The following CFAP221 variants were observed in gnomAD, a reference collection of about 807,000 sequenced individuals.
CFAP221 encodes cilia and flagella associated protein 221, also known as cilia- and flagella-associated protein 221.
A neutral mutation model predicts 113.1 loss-of-function variants in CFAP221; 97 were observed. That is an observed-to-expected ratio of 0.86 (90% CI 0.73 to 1.02). CFAP221 has a LOEUF of 1.02. Among genes scored for constraint, CFAP221 ranks in the 50% least tolerant of loss-of-function variants. The pLI, the probability that CFAP221 is intolerant of heterozygous loss-of-function variation, is 0.00. For synonymous variants in CFAP221, 331 were observed against 354.4 expected (o/e 0.93, Z 0.74); for missense variants, 1,025 against 1,013.4 (o/e 1.01, Z -0.16).
intron 12 of CFAP221, among the ~76,000 whole-genome samples, chr2:119,609,021 C>T (rs187306379): frequency 6.6e-6 from 1 of 152,062 alleles, no homozygotes. Context: ...AATGATAGTC[C>T]CAAGTCAGAG....
At chr2:119,655,130 T>C (rs761948677) in intron 23 of CFAP221, among the ~76,000 whole-genome samples, 9 of 152,154 alleles carry the variant, frequency 5.9e-5, no homozygotes, top group African/African-American at 2.2e-4. Context: ...CTGGCAAACA[T>C]TTATTTTCAT....
Position 119,572,529 on chromosome 2 carries a change from T to C in CFAP221, c.527+10415T>C, listed in dbSNP as rs1183138492. The C allele has an allele frequency of 5.7e-6, 4 of 699,244 alleles. No homozygotes were observed. In the African/African-American group the frequency reaches 7.0e-5, roughly 12 times the overall value. 43.3% of individuals were successfully genotyped at this position (699,244 alleles called of 1,614,324 possible). A position where few individuals can be genotyped will look rare whatever the true frequency, so the allele number is the denominator to read the frequency against. ...TAAAAAGATTCATGTTAATTCATCATGCTCTGTAGTTTACCCAACAGCGTC... is the reference window on the plus strand; with the variant it reads ...TAAAAAGATTCATGTTAATTCATCACGCTCTGTAGTTTACCCAACAGCGTC... On this transcript the variant is annotated intron_variant, in intron 6 of 23. Transcript: ENST00000413369.
chr2:119,630,953 A>G (rs776262259), intron 19 of CFAP221, 52 bp downstream of exon 19: 16 of 1,600,402 alleles, frequency 1.0e-5, no homozygotes, highest in East Asian at 9.0e-5. Context: ...TATTTCAGCA[A>G]TTACTCTATA....
chr2:119,595,767 A>AT (rs1189141968), intron 7 of CFAP221, among the ~76,000 whole-genome samples: 7 of 152,128 alleles, frequency 4.6e-5, no homozygotes, highest in Non-Finnish European at 1.5e-5. Context: ...AAAATAAGAC[A>AT]TGGTGATGTG....
downstream of CFAP221, among the ~76,000 whole-genome samples, chr2:119,659,361 A>G (rs753092140): frequency 2.0e-5 from 3 of 152,272 alleles, no homozygotes; most frequent in Non-Finnish European, 4.4e-5. Flanking sequence ...TTGTGTTTTC[A>G]TATGAGTTAG....
At chr2:119,582,956 A>G (rs1682950653) in intron 6 of CFAP221, among the ~76,000 whole-genome samples, 1 of 152,218 alleles carries the variant, frequency 6.6e-6, no homozygotes, top group Admixed American at 6.5e-5. Context: ...AAATATATCT[A>G]TTATTAATTG....
At chr2:119,585,314 G>A (rs191910149) in intron 6 of CFAP221, among the ~76,000 whole-genome samples, 31 of 152,264 alleles carry the variant, frequency 2.0e-4, no homozygotes, top group Non-Finnish European at 3.8e-4. Context: ...CAGGGTAGGG[G>A]TCACTTATAA....
intron 21 of CFAP221, among the ~76,000 whole-genome samples, chr2:119,646,023 G>A (rs1368734903): frequency 4.6e-5 from 7 of 152,138 alleles, no homozygotes; most frequent in Non-Finnish European, 1.0e-4. Context: ...ACAAAGAGCT[G>A]TTGCCAAGTT....
chr2:119,588,235 A>G (rs748739496), intron 7 of CFAP221, among the ~76,000 whole-genome samples: 2 of 152,200 alleles, frequency 1.3e-5, no homozygotes, highest in Admixed American at 6.5e-5. Context: ...TGAAGGGACC[A>G]CTACAATTTC....
At chr2:119,590,589 C>T (rs1355633701) in intron 7 of CFAP221, among the ~76,000 whole-genome samples, 1 of 152,236 alleles carries the variant, frequency 6.6e-6, no homozygotes, top group African/African-American at 2.4e-5. Flanking sequence ...GCCATACCTG[C>T]CACTGTGCTG....
intron 21 of CFAP221, among the ~76,000 whole-genome samples, chr2:119,643,814 G>A (rs942559031): frequency 2.0e-5 from 3 of 151,894 alleles, no homozygotes; most frequent in Non-Finnish European, 4.4e-5. Context: ...CAAAGTGCTG[G>A]GATTACAGGC....
At position 119,601,281 on chromosome 2, in the gene CFAP221, C is replaced by T; in HGVS notation, c.695C>T (p.Thr232Ile). ...AAGTTTACACCCTTTCAGTATGGGA[C>T]TGCACAAATAAAAATGCAGTTATGG... The part of the protein sequence containing the change: ...TIKFTPFQYG[T>I]AQIKMQLWIS... Residue 232 changes from threonine (T) to isoleucine (I), a missense_variant, in exon 8 of 24, where the codon ACT (threonine) becomes ATT (isoleucine). Coordinates refer to ENST00000413369, the MANE Select transcript of CFAP221 (RefSeq NM_001271049.2). The T allele has an allele frequency of 6.5e-7, 1 of 1,535,752 alleles. No individual in the cohort carries two copies. Among genetic ancestry groups the T allele is most frequent in the Non-Finnish European group, 8.7e-7 (1 of 1,146,652 alleles).
At position 119,562,170 on chromosome 2, in the gene CFAP221, C is replaced by T. The variant is rs1484192844; in HGVS notation, c.527+56C>T. On this transcript the variant is annotated intron_variant, in intron 6 of 23. Coordinates refer to ENST00000413369, the MANE Select transcript of CFAP221 (RefSeq NM_001271049.2). ...AGGATGTGAAAAACTAAGAGATACT[C>T]ATACAAAACCTTAGACTTTTGTTTT... 3.6e-6 allele frequency: 4 copies of T among 1,113,838 alleles called. No homozygotes were observed. In the African/African-American group the frequency reaches 6.7e-5, roughly 19 times the overall value. 69.0% of individuals were successfully genotyped at this position (1,113,838 alleles called of 1,614,324 possible). A position where few individuals can be genotyped will look rare whatever the true frequency, so the allele number is the denominator to read the frequency against.
At chr2:119,619,727 A>G (rs1233676510) in intron 14 of CFAP221, among the ~76,000 whole-genome samples, 1 of 152,182 alleles carries the variant, frequency 6.6e-6, no homozygotes, top group African/African-American at 2.4e-5. Context: ...ACAAAACTGG[A>G]TGGAGAATGA....
At chr2:119,553,157 G>A (rs1002631748) in intron 3 of CFAP221, among the ~76,000 whole-genome samples, 1 of 152,220 alleles carries the variant, frequency 6.6e-6, no homozygotes, top group African/African-American at 2.4e-5. Flanking sequence ...AATGTTCTGT[G>A]GAGAAAAGGC....
At chr2:119,593,545 C>T (rs1683739544) in intron 7 of CFAP221, among the ~76,000 whole-genome samples, 1 of 152,052 alleles carries the variant, frequency 6.6e-6, no homozygotes, top group East Asian at 1.9e-4. Flanking sequence ...GTTCTTTAAA[C>T]ACCAGCTCTC....
In CFAP221 at chr2:119,599,395, AAGTTTGGGTTCATTCACTC is replaced by A. The variant is rs1306820451; in HGVS notation, c.632-1821_632-1803del. Among the ~76,000 whole-genome samples the A allele has an allele frequency of 2.0e-5, 3 of 152,306 alleles. No homozygotes were observed. In the East Asian group the frequency reaches 5.8e-4, roughly 29 times the overall value. On this transcript the variant is annotated intron_variant, in intron 7 of 23. Transcript: ENST00000413369. ...AATATATAGGTTGATATAGGCTTTTAAGTTTGGGTTCATTCACTCATTCAACAAGAATTTATTGTGCTGG... is the reference window on the plus strand; with the variant it reads ...AATATATAGGTTGATATAGGCTTTTAATTCAACAAGAATTTATTGTGCTGG...
chr2:119,605,158 A>G, intron 10 of CFAP221, 23 bp from the exon 11 acceptor site: 1 of 1,588,864 alleles, frequency 6.3e-7, no homozygotes, highest in Non-Finnish European at 8.6e-7. Context: ...ACTGGTATAA[A>G]CATTGTCTGC....
In CFAP221 at chr2:119,556,754, G is replaced by A. The variant is rs536396920; in HGVS notation, c.241-2935G>A. On this transcript the variant is annotated intron_variant, in intron 3 of 23. Coordinates refer to ENST00000413369, the MANE Select transcript of CFAP221 (RefSeq NM_001271049.2). ...ATTAGTAGAGATGGAGTTTTACCAT[G>A]TTGGCCAGACTGGTCTCAAACTCCT... Among the ~76,000 whole-genome samples, 4 of 152,020 alleles carry A rather than the reference G, an allele frequency of 2.6e-5. No homozygotes were observed. The East Asian group carries it at 7.8e-4, about 30-fold the overall frequency.
Sources: allele counts gnomAD v4.1 joint callset (sites outside exome capture counted in the v4.1 genomes callset), GRCh38; gene constraint gnomAD v4.1.1; transcripts MANE v1.5; gene names NCBI Gene and HGNC (gene_info 2026-07-23, HGNC 2026-07-21).